The following AFG2A variants were observed in gnomAD, a reference collection of about 807,000 sequenced individuals.
The protein encoded by AFG2A is AAA ATPase AFG2A, also known as ATPase family gene 2 protein homolog A.
chr4:122,988,585 G>A, the AFG2A span, among the ~76,000 whole-genome samples: 5 of 151,830 alleles, frequency 3.3e-5, no homozygotes, highest in Admixed American at 3.3e-4. Context: ...TTTTAGTAGA[G>A]ACGGAGTTTC....
the AFG2A span, among the ~76,000 whole-genome samples, chr4:123,115,545 A>C: frequency 1.3e-5 from 2 of 151,608 alleles, no homozygotes; most frequent in African/African-American, 4.8e-5. Context: ...CCTGGGTCCA[A>C]CTCTGCCTTG....
the AFG2A span, among the ~76,000 whole-genome samples, chr4:123,038,284 G>C: frequency 1.3e-5 from 2 of 152,044 alleles, no homozygotes; most frequent in Non-Finnish European, 2.9e-5. Context: ...GTTGCAAGCA[G>C]TAAAAGGGAT....
the AFG2A span, among the ~76,000 whole-genome samples, chr4:123,120,465 G>T: frequency 6.6e-6 from 1 of 152,156 alleles, no homozygotes; most frequent in Admixed American, 6.5e-5. Context: ...ACTAAAGTTA[G>T]TTAATATAAT....
the AFG2A span, chr4:122,933,419 C>G: frequency 8.0e-5 from 129 of 1,604,498 alleles, no homozygotes; most frequent in Admixed American, 1.8e-3. Context: ...GATTTCTGTT[C>G]CCTTCTTATC....
chr4:123,014,233 A>G, the AFG2A span, among the ~76,000 whole-genome samples: 18 of 152,190 alleles, frequency 1.2e-4, no homozygotes, highest in African/African-American at 4.3e-4. Context: ...TTAAATATTC[A>G]AAGCATTTGC....
chr4:123,202,642 T>C, the AFG2A span, among the ~76,000 whole-genome samples: 19 of 152,328 alleles, frequency 1.2e-4, no homozygotes, highest in South Asian at 3.1e-3. Flanking sequence ...TCAGTTCTTA[T>C]CAGTTTTTAC....
At chr4:123,065,903 A>G in the AFG2A span, among the ~76,000 whole-genome samples, 1 of 152,162 alleles carries the variant, frequency 6.6e-6, no homozygotes, top group Non-Finnish European at 1.5e-5. Context: ...CTAAAGCTTT[A>G]TATAATGTAT....
chr4:123,004,281 C>T, the AFG2A span, among the ~76,000 whole-genome samples: 1 of 152,234 alleles, frequency 6.6e-6, no homozygotes, highest in South Asian at 2.1e-4. Flanking sequence ...AATGCCTCGG[C>T]CTGCTTCGGC....
the AFG2A span, among the ~76,000 whole-genome samples, chr4:123,279,283 G>T: frequency 1.5e-4 from 23 of 152,170 alleles, no homozygotes; most frequent in African/African-American, 5.1e-4. Context: ...GGGCGTGGTG[G>T]CAGGCACCTG....
At chr4:123,040,104 G>C in the AFG2A span, among the ~76,000 whole-genome samples, 1 of 149,746 alleles carries the variant, frequency 6.7e-6, no homozygotes, top group Admixed American at 6.6e-5. Flanking sequence ...ATTGGTAAGA[G>C]TTTCTGTAGG....
chr4:123,308,583 T>C, the AFG2A span, among the ~76,000 whole-genome samples: 2 of 152,160 alleles, frequency 1.3e-5, no homozygotes, highest in East Asian at 3.8e-4. Flanking sequence ...TAATGCCTGA[T>C]GATCTGAGAT....
At chr4:123,306,027 G>T in the AFG2A span, among the ~76,000 whole-genome samples, 12 of 152,148 alleles carry the variant, frequency 7.9e-5, no homozygotes, top group Non-Finnish European at 1.6e-4. Flanking sequence ...CTCACAAGTG[G>T]AGCTGTCTCG....
chr4:123,292,144 C>A, the AFG2A span, among the ~76,000 whole-genome samples: 1 of 152,122 alleles, frequency 6.6e-6, no homozygotes, highest in Non-Finnish European at 1.5e-5. Context: ...CTTTCTTCTA[C>A]TTGATCTAGT....
chr4:123,033,950 G>A, the AFG2A span, among the ~76,000 whole-genome samples: 2 of 152,112 alleles, frequency 1.3e-5, no homozygotes, highest in Non-Finnish European at 2.9e-5. Flanking sequence ...ATCAAAAGAG[G>A]GGAGGGGAAG....
chr4:123,020,990 T>C, the AFG2A span, among the ~76,000 whole-genome samples: 2 of 152,218 alleles, frequency 1.3e-5, no homozygotes, highest in African/African-American at 2.4e-5. Flanking sequence ...TGTTGACTCA[T>C]TGTCTATCAC....
the AFG2A span, among the ~76,000 whole-genome samples, chr4:123,235,973 A>G: frequency 3.3e-5 from 5 of 152,200 alleles, no homozygotes; most frequent in East Asian, 7.7e-4. Flanking sequence ...AGTTACCAGT[A>G]TTTGAAAATA....
At chr4:123,010,047 T>C in the AFG2A span, among the ~76,000 whole-genome samples, 1 of 152,170 alleles carries the variant, frequency 6.6e-6, no homozygotes, top group Non-Finnish European at 1.5e-5. Flanking sequence ...AGAACAGTAA[T>C]TGGTCAAGTT....
the AFG2A span, among the ~76,000 whole-genome samples, chr4:123,251,962 A>G: frequency 0.2 from 30,573 of 152,058 alleles, 3,644 homozygotes; most frequent in African/African-American, 0.32. Flanking sequence ...TATAACATAT[A>G]CAAAAAGTAT....
chr4:123,285,355 G>GT, the AFG2A span, among the ~76,000 whole-genome samples: 3 of 152,052 alleles, frequency 2.0e-5, no homozygotes, highest in South Asian at 2.1e-4. Context: ...CCCAGGTTCT[G>GT]TTTCTTGGAC....
Sources: allele counts gnomAD v4.1 joint callset (sites outside exome capture counted in the v4.1 genomes callset), GRCh38; gene constraint gnomAD v4.1.1; transcripts MANE v1.5; gene names NCBI Gene and HGNC (gene_info 2026-07-23, HGNC 2026-07-21).